EHBP1: variants seen among roughly 807,000 people sequenced by gnomAD.
EHBP1 encodes EH domain binding protein 1, also known as EH domain-binding protein 1.
Under a neutral mutation model 144.0 loss-of-function variants are expected in EHBP1, and 55 were observed. The observed-to-expected ratio is 0.38, with a 90% CI of 0.31 to 0.48. The LOEUF (loss-of-function observed/expected upper bound fraction) is 0.48, where lower values mean the gene tolerates loss of function less well. Ranked by LOEUF, EHBP1 falls within the 20% of genes least tolerant of loss-of-function variation. The pLI is 0.98. For missense variants in EHBP1, 1,200 were observed against 1,364.2 expected (o/e 0.88, Z 1.90); for synonymous variants, 469 against 472.7 (o/e 0.99, Z 0.10).
chr2:62,789,661 G>A (rs1278785957), intron 5 of EHBP1, among the ~76,000 whole-genome samples: 3 of 152,178 alleles, frequency 2.0e-5, no homozygotes, highest in African/African-American at 4.8e-5. Context: ...TCCACACGGA[G>A]TGCCAATGCA....
chr2:63,045,006 G>C lies in EHBP1; in HGVS notation c.3278-60G>C. ...AACTGGAAAAGGCGGGAAGGGGAGG[G>C]CGGGGGGCCGGGTGTTCGGAGGCCC... On this transcript the variant is annotated intron_variant, in intron 21 of 22. Coordinates refer to ENST00000431489, the MANE Select transcript of EHBP1 (RefSeq NM_001142616.3). The surrounding 1 kb of genome is among the most constrained non-coding windows in gnomAD (Gnocchi z 5.7). The C allele has an allele frequency of 1.6e-6, 2 of 1,273,004 alleles. No homozygotes were observed. The highest frequency in any genetic ancestry group is 2.2e-6 in the Non-Finnish European group (2 of 901,562). 78.9% of individuals were successfully genotyped at this position (1,273,004 alleles called of 1,614,324 possible).
rs748160442 is a variant in EHBP1, at chr2:62,874,535, A to G, written c.1185+3A>G. 1 of 1,585,098 alleles carries G rather than the reference A, an allele frequency of 6.3e-7. No homozygotes were observed. The highest frequency in any genetic ancestry group is 8.6e-7 in the Non-Finnish European group (1 of 1,166,898). On this transcript the variant is annotated splice_donor_region_variant and intron_variant, in intron 10 of 22. Coordinates refer to ENST00000431489, the MANE Select transcript of EHBP1 (RefSeq NM_001142616.3). Reference sequence around the variant, plus strand: ...AAGATCTCTCTACTTCTCCTAAGGTAGGATTTTATTCATAGTAAAACATGT... The same window carrying G: ...AAGATCTCTCTACTTCTCCTAAGGTGGGATTTTATTCATAGTAAAACATGT...
rs1458300517 is a variant in EHBP1, at chr2:63,045,618, CT to C, written c.*121del. On this transcript the variant is annotated 3_prime_UTR_variant, in exon 23 of 23. Transcript: ENST00000431489. The surrounding 1 kb of genome is among the most constrained non-coding windows in gnomAD (Gnocchi z 5.7). ...CATTTTGTTTGGCTGGATTGTACTA[CT>C]TTACCTCTACTTTACCACCACCACC... 1.3e-6 allele frequency: 1 copy of C among 782,436 alleles called. No individual in the cohort carries two copies. The highest frequency in any genetic ancestry group is 2.1e-6 in the Non-Finnish European group (1 of 480,208). 48.5% of individuals were successfully genotyped at this position (782,436 alleles called of 1,614,324 possible).
intron 15 of EHBP1, among the ~76,000 whole-genome samples, chr2:62,984,047 TTG>T (rs1378520043): frequency 1.3e-5 from 2 of 151,646 alleles, no homozygotes; most frequent in Admixed American, 6.5e-5. Flanking sequence ...AATATCTGTA[TTG>T]TGTTTCCCAT....
intron 7 of EHBP1, among the ~76,000 whole-genome samples, chr2:62,832,707 C>T (rs539116958): frequency 1.3e-5 from 2 of 152,244 alleles, no homozygotes; most frequent in Admixed American, 6.5e-5. Flanking sequence ...TTTAAGACAG[C>T]AAACTTAATC....
intron 19 of EHBP1, among the ~76,000 whole-genome samples, chr2:63,027,803 A>G (rs1302275637): frequency 6.6e-6 from 1 of 152,200 alleles, no homozygotes; most frequent in African/African-American, 2.4e-5. Context: ...AGGGGCTAAG[A>G]TGGTAGGGGA....
intron 10 of EHBP1, among the ~76,000 whole-genome samples, chr2:62,927,964 AAT>A (rs1181755592): frequency 6.6e-6 from 1 of 152,228 alleles, no homozygotes; most frequent in Non-Finnish European, 1.5e-5. Flanking sequence ...AAAAATCACA[AAT>A]ATGTGGATTT....
At chr2:62,867,672 T>TGG (rs1378102825) in intron 9 of EHBP1, among the ~76,000 whole-genome samples, 2 of 152,194 alleles carry the variant, frequency 1.3e-5, no homozygotes, top group Non-Finnish European at 2.9e-5. Context: ...CCAATCAAAA[T>TGG]TTTAGCATGC....
At chr2:62,801,736 TG>T (rs2152493364) in intron 5 of EHBP1, among the ~76,000 whole-genome samples, 1 of 152,334 alleles carries the variant, frequency 6.6e-6, no homozygotes, top group Non-Finnish European at 1.5e-5. Context: ...TCATAGAGTT[TG>T]TATATTTAAA....
At chr2:62,713,837 AT>A (rs556937247) in intron 2 of EHBP1, among the ~76,000 whole-genome samples, 4 of 152,100 alleles carry the variant, frequency 2.6e-5, no homozygotes, top group African/African-American at 7.2e-5. Flanking sequence ...TTATAAACTG[AT>A]TTTTTTTAAA....
intron 15 of EHBP1, among the ~76,000 whole-genome samples, chr2:62,984,856 G>A (rs1460126697): frequency 6.6e-6 from 1 of 152,144 alleles, no homozygotes; most frequent in Non-Finnish European, 1.5e-5. Flanking sequence ...ACATCATACA[G>A]GAACCTAGCA....
chr2:62,858,656 C>CA (rs2049268606), intron 7 of EHBP1: 1 of 591,782 alleles, frequency 1.7e-6, no homozygotes, highest in Non-Finnish European at 3.0e-6. Flanking sequence ...TGTAGTGCAC[C>CA]AACAGGCAAC....
Position 62,864,970 on chromosome 2 carries a change from G to T in EHBP1, c.997G>T (p.Glu333Ter). 1 of 1,611,842 alleles carries T rather than the reference G, an allele frequency of 6.2e-7. No homozygotes were observed. The highest frequency in any genetic ancestry group is 1.1e-5 in the South Asian group (1 of 90,670). The change falls in exon 9 of 23, where the codon GAA (glutamate) becomes TAA (stop). Residue 333 changes from glutamate (E) to a stop codon, truncating the protein, a stop_gained and splice_region_variant. Coordinates refer to ENST00000431489, the MANE Select transcript of EHBP1 (RefSeq NM_001142616.3). LOFTEE classifies it high-confidence loss of function. Reference protein sequence around the residue: ...SSKTEEEELDESNPFYEPKST... With the variant: ...SSKTEEEELD Reference sequence around the variant, plus strand: ...TAAAACTGAAGAAGAAGAATTGGATGAGTAAGTACATTTCATTTTGCTGTC... The same window carrying T: ...TAAAACTGAAGAAGAAGAATTGGATTAGTAAGTACATTTCATTTTGCTGTC...
At chr2:62,773,427 C>T (rs964057063) in intron 5 of EHBP1, among the ~76,000 whole-genome samples, 1 of 152,074 alleles carries the variant, frequency 6.6e-6, no homozygotes, top group Admixed American at 6.5e-5. Context: ...TTATTTCATT[C>T]ATCTCTGTAT....
intron 5 of EHBP1, among the ~76,000 whole-genome samples, chr2:62,810,529 A>G (rs1046407383): frequency 2.0e-5 from 3 of 152,214 alleles, no homozygotes; most frequent in African/African-American, 7.2e-5. Context: ...AAGAGGAGAA[A>G]CAGCTTAAGG....
At chr2:62,765,464 G>C (rs2041103982) in intron 4 of EHBP1, among the ~76,000 whole-genome samples, 1 of 152,024 alleles carries the variant, frequency 6.6e-6, no homozygotes, top group Non-Finnish European at 1.5e-5. Context: ...TGAGAGCCTT[G>C]CTATGTGCCA....
At chr2:62,919,575 C>T (rs935698795) in intron 10 of EHBP1, among the ~76,000 whole-genome samples, 23 of 152,054 alleles carry the variant, frequency 1.5e-4, no homozygotes, top group Non-Finnish European at 2.8e-4. Flanking sequence ...TTAGAGTTAT[C>T]ACATTATTAG....
At chr2:62,734,432 A>G (rs1456053189) in intron 2 of EHBP1, among the ~76,000 whole-genome samples, 2 of 147,034 alleles carry the variant, frequency 1.4e-5, no homozygotes, top group Admixed American at 6.8e-5. Context: ...TCAAATATAT[A>G]TATATAATTC....
At chr2:62,758,844 G>A (rs554905763) in intron 3 of EHBP1, among the ~76,000 whole-genome samples, 2 of 152,280 alleles carry the variant, frequency 1.3e-5, no homozygotes, top group African/African-American at 4.8e-5. Context: ...CCTAATGACA[G>A]TTATGTTGAC....
Sources: gnomAD v4.1 joint callset for allele counts (sites outside exome capture counted in the v4.1 genomes callset) on GRCh38, gnomAD v4.1.1 for gene constraint, Gnocchi (gnomAD v3.1) non-coding constraint, MANE v1.5 for transcripts, NCBI Gene and HGNC (gene_info 2026-07-23, HGNC 2026-07-21) for gene names.